ADGRG6: variants seen among roughly 807,000 people sequenced by gnomAD.
ADGRG6 encodes the protein adhesion G protein-coupled receptor G6.
A neutral mutation model predicts 142.4 loss-of-function variants in ADGRG6; 84 were observed. The observed-to-expected ratio is 0.59, with a 90% confidence interval of 0.49 to 0.71. The LOEUF (loss-of-function observed/expected upper bound fraction) is 0.71, where lower values mean the gene tolerates loss of function less well. Among genes scored for constraint, ADGRG6 ranks in the 30% least tolerant of loss-of-function variants. The pLI, the probability that ADGRG6 is intolerant of heterozygous loss-of-function variation, is 0.00. For synonymous variants in ADGRG6, 521 were observed against 520.5 expected (o/e 1.00, Z -0.01); for missense variants, 1,367 against 1,466.6 (o/e 0.93, Z 1.11).
At chr6:142,319,704 A>G (rs753681675) in intron 2 of ADGRG6, among the ~76,000 whole-genome samples, 6 of 152,102 alleles carry the variant, frequency 3.9e-5, no homozygotes, top group Non-Finnish European at 7.4e-5. Flanking sequence ...TAGAATATTT[A>G]CTTTAAAGCA....
intron 13 of ADGRG6, among the ~76,000 whole-genome samples, 187 bp from the exon 14 acceptor site, chr6:142,403,614 TC>T (rs1775647918): frequency 1.3e-5 from 2 of 152,232 alleles, no homozygotes; most frequent in African/African-American, 2.4e-5. Flanking sequence ...GATTTATCCA[TC>T]CCTGTGATTC....
Position 142,405,693 on chromosome 6 carries a change from T to C in ADGRG6, c.2133T>C (p.Asp711=), listed in dbSNP as rs751689388. ...PSNNESYFQM[D]FESGQVDPLA... Reference sequence around the variant, plus strand: ...TATCTGTGTGTGTGTGACAGATGGATTTTGAGAGTGGACAAGTGGATCCAC... The same window carrying C: ...TATCTGTGTGTGTGTGACAGATGGACTTTGAGAGTGGACAAGTGGATCCAC... Residue 711 remains aspartate (D), a synonymous_variant, in exon 15 of 25, where the codon GAT becomes GAC. Coordinates refer to ENST00000367609, the MANE Select transcript of ADGRG6 (RefSeq NM_198569.3). The C allele has an allele frequency of 1.2e-6, 2 of 1,607,770 alleles. No individual in the cohort carries two copies. Among genetic ancestry groups the C allele is most frequent in the Admixed American group, 1.7e-5 (1 of 59,772 alleles).
chr6:142,432,654 A>G (rs975040858), intron 22 of ADGRG6, among the ~76,000 whole-genome samples: 2 of 152,212 alleles, frequency 1.3e-5, no homozygotes, highest in Non-Finnish European at 2.9e-5. Context: ...ATGTTATATA[A>G]TTATGATATA....
rs555763389 is a variant in ADGRG6, at chr6:142,332,000, A to C, written c.103+22356A>C. Among the ~76,000 whole-genome samples, 10 of 152,294 alleles carry C rather than the reference A, an allele frequency of 6.6e-5. No homozygotes were observed. In the South Asian group the frequency reaches 2.1e-3, roughly 32 times the overall value. ...TAACAGCTTTATAATGGGACAATTA[A>C]ATACAGATCATTAGGTTTTTAGAGT... On this transcript the variant is annotated intron_variant, in intron 2 of 24. Transcript: ENST00000367609.
chr6:142,359,614 G>C (rs1230390036), intron 2 of ADGRG6, among the ~76,000 whole-genome samples: 1 of 152,164 alleles, frequency 6.6e-6, no homozygotes, highest in Non-Finnish European at 1.5e-5. Flanking sequence ...GTATAGCACT[G>C]TTCTATCAGA....
chr6:142,317,893 A>G (rs1335946720), intron 2 of ADGRG6, among the ~76,000 whole-genome samples: 3 of 73,752 alleles, frequency 4.1e-5, no homozygotes, highest in Non-Finnish European at 6.9e-5. Context: ...TATTTATATT[A>G]TATATTTATA....
At position 142,408,254 on chromosome 6, in the gene ADGRG6, A is replaced by G. The variant is rs1280222742; in HGVS notation, c.2373A>G (p.Lys791=). The G allele has an allele frequency of 1.3e-6, 2 of 1,566,434 alleles. No individual in the cohort carries two copies. Among genetic ancestry groups the G allele is most frequent in the Non-Finnish European group, 1.7e-6 (2 of 1,153,278 alleles). ...AGGATCCTGTTCAAATAAAAATCAAACATACAAGAACTCAGGTAAGAAAAC... is the reference window on the plus strand; with the variant it reads ...AGGATCCTGTTCAAATAAAAATCAAGCATACAAGAACTCAGGTAAGAAAAC... ...NLKDPVQIKI[K]HTRTQEVHHP... is the part of the protein sequence containing the mutation. The change falls in exon 16 of 25, where the codon AAA becomes AAG. Residue 791 remains lysine (K), a synonymous_variant. Transcript: ENST00000367609.
At chr6:142,368,221 T>G (rs1781048261) in intron 3 of ADGRG6, among the ~76,000 whole-genome samples, 1 of 152,212 alleles carries the variant, frequency 6.6e-6, no homozygotes, top group Admixed American at 6.5e-5. Context: ...CTAACATCTC[T>G]CCACTGAAAA....
chr6:142,395,705 A>C (rs764041947), intron 9 of ADGRG6, among the ~76,000 whole-genome samples: 1 of 152,164 alleles, frequency 6.6e-6, no homozygotes, highest in Non-Finnish European at 1.5e-5. Flanking sequence ...CCATTATTTA[A>C]TATTTATGTT....
intron 17 of ADGRG6, among the ~76,000 whole-genome samples, chr6:142,410,124 T>C (rs893384701): frequency 6.6e-6 from 1 of 152,210 alleles, no homozygotes; most frequent in East Asian, 1.9e-4. Flanking sequence ...CAAGAAGAAA[T>C]AGGCAGACTT....
intron 6 of ADGRG6, among the ~76,000 whole-genome samples, chr6:142,385,961 G>A (rs564072250): frequency 6.6e-6 from 1 of 152,112 alleles, no homozygotes; most frequent in Non-Finnish European, 1.5e-5. Context: ...AAGAAAGATT[G>A]GCACAACTGT....
chr6:142,317,791 A>T (rs1446715690), intron 2 of ADGRG6, among the ~76,000 whole-genome samples: 5 of 90,052 alleles, frequency 5.6e-5, no homozygotes, highest in South Asian at 2.7e-4. Context: ...TTTATATATA[A>T]TATATATATT....
In ADGRG6 at chr6:142,362,555, G is replaced by A. The variant is rs970843162; in HGVS notation, c.104-5014G>A. 2.6e-5 allele frequency among the ~76,000 whole-genome samples: 4 copies of A among 152,270 alleles called. No homozygotes were observed. In the East Asian group the frequency reaches 5.8e-4, roughly 22 times the overall value. On this transcript the variant is annotated intron_variant, in intron 2 of 24. Coordinates refer to ENST00000367609, the MANE Select transcript of ADGRG6 (RefSeq NM_198569.3). Reference sequence around the variant, plus strand: ...GAGGAGCGGTGAGGGTGGTGGGGATGCTTGCCAAGTCTGTCACATTAACAG... The same window carrying A: ...GAGGAGCGGTGAGGGTGGTGGGGATACTTGCCAAGTCTGTCACATTAACAG...
At chr6:142,335,412 G>A (rs1582998361) in intron 2 of ADGRG6, among the ~76,000 whole-genome samples, 1 of 152,116 alleles carries the variant, frequency 6.6e-6, no homozygotes, top group Non-Finnish European at 1.5e-5. Context: ...AATAGAGAAT[G>A]AAAATGGAGA....
chr6:142,349,059 T>C lies in ADGRG6; in HGVS notation c.104-18510T>C, dbSNP rs1240735321. On this transcript the variant is annotated intron_variant, in intron 2 of 24. Transcript: ENST00000367609. ...GAGATATTAAGTAAGTGATCCAATC[T>C]AGTTAGGTGGTGAGTGGAACCAGAG... Among the ~76,000 whole-genome samples, 3 of 152,224 alleles carry C rather than the reference T, an allele frequency of 2.0e-5. No individual in the cohort carries two copies. In the East Asian group the frequency reaches 5.8e-4, roughly 29 times the overall value.
chr6:142,361,315 A>AT (rs1328478821), intron 2 of ADGRG6, among the ~76,000 whole-genome samples: 2 of 152,154 alleles, frequency 1.3e-5, no homozygotes, highest in African/African-American at 4.8e-5. Flanking sequence ...TCATCCAAGA[A>AT]TTTCGTTTAA....
At chr6:142,403,750 G>T (rs1183133360) in intron 13 of ADGRG6, 52 bp from the exon 14 acceptor site, 15 of 1,147,338 alleles carry the variant, frequency 1.3e-5, no homozygotes, top group Non-Finnish European at 1.2e-6. Flanking sequence ...GTATGTTTAA[G>T]AATCTAAAAT....
rs1286690628 is a variant in ADGRG6 at position 142,443,537 on chromosome 6, A to C, written c.*22A>C. ...TTAATGTCTTTAAGAAAAAGAAATC[A>C]ATCTGCAGAAATGTGAAGATTTGCA... On this transcript the variant is annotated 3_prime_UTR_variant, in exon 25 of 25. Coordinates refer to ENST00000367609, the MANE Select transcript of ADGRG6 (RefSeq NM_198569.3). 6.4e-7 allele frequency: 1 copy of C among 1,552,070 alleles called. No homozygotes were observed. Among genetic ancestry groups the C allele is most frequent in the East Asian group, 2.3e-5 (1 of 44,310 alleles).
At position 142,352,586 on chromosome 6, in the gene ADGRG6, C is replaced by T. The variant is rs191710922; in HGVS notation, c.104-14983C>T. On this transcript the variant is annotated intron_variant, in intron 2 of 24. Transcript: ENST00000367609. ...CACACAATTTTTCACTGTAACAAACCACCTGTACCCTCTGAACCTAAAATA... is the reference window on the plus strand; with the variant it reads ...CACACAATTTTTCACTGTAACAAACTACCTGTACCCTCTGAACCTAAAATA... Among the ~76,000 whole-genome samples, 539 of 152,180 alleles carry T rather than the reference C, an allele frequency of 3.5e-3. 4 individuals carry two copies. Among genetic ancestry groups the T allele is most frequent in the Non-Finnish European group, 3.9e-3 (263 of 68,004 alleles).
Sources: gnomAD v4.1 joint callset for allele counts (sites outside exome capture counted in the v4.1 genomes callset) on GRCh38, gnomAD v4.1.1 for gene constraint, MANE v1.5 for transcripts, NCBI Gene and HGNC (gene_info 2026-07-23, HGNC 2026-07-21) for gene names.